RYR1: variants seen among roughly 807,000 people sequenced by gnomAD.
The protein encoded by RYR1 is ryanodine receptor 1.
Under a neutral mutation model 583.5 loss-of-function variants are expected in RYR1, and 342 were observed. That is an observed-to-expected ratio of 0.59 (90% confidence interval 0.54 to 0.64). The LOEUF is 0.64. RYR1 is among the 30% of genes least tolerant of loss of function. The pLI, the probability that RYR1 is intolerant of heterozygous loss-of-function variation, is 0.00. For missense variants in RYR1, 6,032 were observed against 6,917.2 expected (o/e 0.87, Z 4.54); for synonymous variants, 2,791 against 2,822.5 (o/e 0.99, Z 0.35).
At chr19:38,503,651 T>C (rs1321488773) in intron 49 of RYR1, among the ~76,000 whole-genome samples, 1 of 151,906 alleles carries the variant, frequency 6.6e-6, no homozygotes, top group Non-Finnish European at 1.5e-5. Flanking sequence ...AGCACGCCTG[T>C]AATCCCAGCT....
chr19:38,499,228 G>A lies in RYR1; in HGVS notation c.7012G>A (p.Ala2338Thr). The A allele has an allele frequency of 6.2e-7, 1 of 1,614,194 alleles. No homozygotes were observed. ...GCGCTACCTGGACTTCCTGCGCTTT[G>A]CTGTCTTCGTCAACGGTGAGGAGGG... is the stretch of plus-strand genomic sequence containing the variant. Reference protein sequence around the residue: ...GERYLDFLRFAVFVNGESVEE... With the variant: ...GERYLDFLRFTVFVNGESVEE... The change falls in exon 43 of 106, where the codon GCT becomes ACT. Residue 2338 changes from alanine to threonine, a missense_variant. Transcript: ENST00000359596. The surrounding 1 kb of genome is among the most constrained non-coding windows in gnomAD (Gnocchi z 7.3).
At position 38,500,041 on chromosome 19, in the gene RYR1, T is replaced by C; in HGVS notation, c.7323+25T>C. 6.2e-7 allele frequency: 1 copy of C among 1,607,718 alleles called. No homozygotes were observed. The highest frequency in any genetic ancestry group is 8.5e-7 in the Non-Finnish European group (1 of 1,174,710). The stretch of plus-strand genomic sequence containing the variant: ...TGTGAGACCCTGAGCCAGGGCAGGA[T>C]GGGAAGGGAGGGCAGGCACAGCCGC... On this transcript the variant is annotated intron_variant, in intron 45 of 105. Transcript: ENST00000359596. This position sits in a 1 kb window ranked among gnomAD's most constrained non-coding sequence, Gnocchi z 5.9.
intron 58 of RYR1, among the ~76,000 whole-genome samples, chr19:38,508,093 G>A (rs1021286888): frequency 6.6e-6 from 1 of 152,212 alleles, no homozygotes; most frequent in Non-Finnish European, 1.5e-5. Context: ...AGTGTTAGAA[G>A]GTGATCAGTG....
chr19:38,463,761 C>T lies in RYR1; in HGVS notation c.2697C>T (p.Asn899=), dbSNP rs201401814. The T allele has an allele frequency of 6.2e-7, 1 of 1,614,112 alleles. No homozygotes were observed. The highest frequency in any genetic ancestry group is 8.5e-7 in the Non-Finnish European group (1 of 1,180,016). The part of the protein sequence containing the change: ...GWTYGPVRDD[N]KRLHPCLVDF... ...GTTTTCTCCAGGTTCGGGATGACAA[C>T]AAGAGGCTGCACCCGTGTCTTGTGG... The change falls in exon 22 of 106, where the codon AAC becomes AAT. Residue 899 remains asparagine, a synonymous_variant. Coordinates refer to ENST00000359596, the MANE Select transcript of RYR1 (RefSeq NM_000540.3).
chr19:38,476,472 C>T (rs543701638), intron 29 of RYR1, among the ~76,000 whole-genome samples: 1 of 152,264 alleles, frequency 6.6e-6, no homozygotes, highest in Non-Finnish European at 1.5e-5. Flanking sequence ...GCTGGGATTA[C>T]AGGCATGAGC....
At chr19:38,525,617 C>T (rs1489898660) in intron 71 of RYR1, 115 bp downstream of exon 71, 3 of 1,174,102 alleles carry the variant, frequency 2.6e-6, no homozygotes, top group Non-Finnish European at 3.7e-6. Flanking sequence ...TCCCTGGGAG[C>T]CTTCCCTTCA....
chr19:38,577,452 A>G (rs937160477), intron 97 of RYR1, among the ~76,000 whole-genome samples: 2 of 152,166 alleles, frequency 1.3e-5, no homozygotes. Flanking sequence ...AGTTGGAAAG[A>G]TAGATGATGA....
At chr19:38,510,234 T>C (rs1970664924) in intron 58 of RYR1, among the ~76,000 whole-genome samples, 1 of 151,748 alleles carries the variant, frequency 6.6e-6, no homozygotes, top group African/African-American at 2.4e-5. Context: ...GTCAGGAGAA[T>C]CGCTTGAACT....
Position 38,455,967 on chromosome 19 carries a change from GT to G in RYR1, c.1791+238del, listed in dbSNP as rs201725585. Among the ~76,000 whole-genome samples, 1,204 of 108,410 alleles carry G rather than the reference GT, an allele frequency of 0.011. 1 individual carries two copies. Among genetic ancestry groups the G allele is most frequent in the East Asian group, 0.053 (202 of 3,818 alleles). 71.1% of individuals were successfully genotyped at this position (108,410 alleles called of 152,430 possible). Reference sequence around the variant, plus strand: ...ATGTGCTTGGTTAGATCTCTGAAATGTTTTTTTTTTTTTTTTTTTTTTGAGA... The same window carrying G: ...ATGTGCTTGGTTAGATCTCTGAAATGTTTTTTTTTTTTTTTTTTTTTGAGA... On this transcript the variant is annotated intron_variant, in intron 16 of 105. Coordinates refer to ENST00000359596, the MANE Select transcript of RYR1 (RefSeq NM_000540.3).
chr19:38,502,777 G>A (rs764423427), intron 48 of RYR1, 50 bp downstream of exon 48: 4 of 1,204,158 alleles, frequency 3.3e-6, no homozygotes, highest in Non-Finnish European at 3.4e-6. Context: ...GCAGGGGCAG[G>A]GGCAGGGGCA....
intron 7 of RYR1, among the ~76,000 whole-genome samples, chr19:38,445,260 T>TA (rs1972887267): frequency 6.8e-6 from 1 of 147,354 alleles, no homozygotes; most frequent in African/African-American, 2.5e-5. Flanking sequence ...TTAAACTCCT[T>TA]AGACAATAAG....
At position 38,448,657 on chromosome 19, in the gene RYR1, G is replaced by A. The variant is rs764146470; in HGVS notation, c.966G>A (p.Leu322=). The part of the protein sequence containing the change: ...SFCFRISKEK[L]DVAPKRDVEG... ...GTCCCCTGCCCCTGTAGGAGAAGCT[G>A]GATGTGGCCCCCAAGCGGGATGTGG... is the stretch of plus-strand genomic sequence containing the variant. The change falls in exon 11 of 106, where the codon CTG becomes CTA. Residue 322 remains leucine, a synonymous_variant. Transcript: ENST00000359596. 26 of 1,614,114 alleles carry A rather than the reference G, an allele frequency of 1.6e-5. No individual in the cohort carries two copies. In the Admixed American group the frequency reaches 4.3e-4, roughly 27 times the overall value.
At chr19:38,576,158 G>C (rs1400236528) in intron 97 of RYR1, among the ~76,000 whole-genome samples, 197 bp downstream of exon 97, 6 of 152,016 alleles carry the variant, frequency 3.9e-5, no homozygotes, top group Non-Finnish European at 7.4e-5. Flanking sequence ...CACATGGAAA[G>C]AGCAGAGCAT....
At chr19:38,448,869 G>A (rs868858761) in intron 11 of RYR1, 56 bp downstream of exon 11, 1 of 1,526,434 alleles carries the variant, frequency 6.6e-7, no homozygotes, top group Middle Eastern at 2.2e-4. Context: ...CTTGAGTCCA[G>A]GAGGTCAAGG....
At chr19:38,454,093 G>A (rs943073168) in intron 13 of RYR1, among the ~76,000 whole-genome samples, 2 of 152,164 alleles carry the variant, frequency 1.3e-5, no homozygotes, top group Admixed American at 1.3e-4. Context: ...CTGGAGTGCA[G>A]TGGTGTGATC....
chr19:38,435,611 C>A (rs1972391929), intron 1 of RYR1, among the ~76,000 whole-genome samples: 1 of 152,158 alleles, frequency 6.6e-6, no homozygotes, highest in African/African-American at 2.4e-5. Flanking sequence ...TGGTGCATGC[C>A]TGTAATCTTA....
At chr19:38,463,335 A>G in intron 20 of RYR1, 88 bp from the exon 21 acceptor site, 1 of 1,129,440 alleles carries the variant, frequency 8.9e-7, no homozygotes, top group South Asian at 1.3e-5. Context: ...GGAGCCTCCC[A>G]GGGCTCACAG....
In RYR1 at chr19:38,464,794, G is replaced by A; in HGVS notation, c.2870+72G>A. On this transcript the variant is annotated intron_variant, in intron 23 of 105. Coordinates refer to ENST00000359596, the MANE Select transcript of RYR1 (RefSeq NM_000540.3). ...GGGATGCTGTGCTAAGGGCTGGGGA[G>A]GTCGAGGGGTCTTGTGGGGAGGCTG... 3 of 1,379,304 alleles carry A rather than the reference G, an allele frequency of 2.2e-6. No individual in the cohort carries two copies. In the South Asian group the frequency reaches 3.7e-5, roughly 17 times the overall value. 85.4% of individuals were successfully genotyped at this position (1,379,304 alleles called of 1,614,324 possible).
chr19:38,529,005 C>A lies in RYR1; in HGVS notation c.11089C>A (p.Pro3697Thr), dbSNP rs758847105. Residue 3697 changes from proline to threonine, a missense_variant, in exon 76 of 106, where the codon CCC (proline) becomes ACC (threonine). Pro to Thr is a conservative substitution (Grantham distance 38). This residue lies in a region of RYR1 where 1,493 missense variants were observed against 1,715.5 expected (regional missense o/e 0.87). Transcript: ENST00000359596. ...EEEVEEKKPD[P>T]LHQLVLHFSR... ...AGAGGTGGAAGAGAAGAAGCCAGAC[C>A]CCCTGCACCAGTTGGTCCTGCACTT... 2.5e-6 allele frequency: 4 copies of A among 1,613,842 alleles called. No individual in the cohort carries two copies. The highest frequency in any genetic ancestry group is 3.4e-6 in the Non-Finnish European group (4 of 1,179,948).
Sources: gnomAD v4.1 joint callset for allele counts (sites outside exome capture counted in the v4.1 genomes callset) on GRCh38, gnomAD v4.1.1 for gene constraint, gnomAD v4.1.1 regional missense constraint, Gnocchi (gnomAD v3.1) non-coding constraint, MANE v1.5 for transcripts, NCBI Gene and HGNC (gene_info 2026-07-23, HGNC 2026-07-21) for gene names.